The following LRRTM3 variants were observed in gnomAD, a reference collection of about 807,000 sequenced individuals.
The protein encoded by LRRTM3 is leucine rich repeat transmembrane neuronal 3.
In LRRTM3, 24 loss-of-function variants were observed where a neutral mutation model predicts 44.7. The ratio of observed to expected loss-of-function variants is 0.54; its 90% CI spans 0.39 to 0.76. The LOEUF is 0.76. LRRTM3 is among the 30% of genes least tolerant of loss of function. The probability of loss-of-function intolerance (pLI) is 0.00; values close to 1 mark genes in which losing one functional copy is unlikely to be tolerated. For synonymous variants in LRRTM3, 277 were observed against 278.7 expected, an observed-to-expected ratio of 0.99 and a Z score of 0.06; for missense variants, 587 against 702.2, an observed-to-expected ratio of 0.84 and a Z score of 1.85.
intron 2 of LRRTM3, among the ~76,000 whole-genome samples, chr10:66,960,550 T>C (rs1849053325): frequency 6.6e-6 from 1 of 152,148 alleles, no homozygotes; most frequent in Non-Finnish European, 1.5e-5. Context: ...AAAATACAAG[T>C]TAATTATTCA....
At chr10:67,047,229 G>A (rs1854810297) in intron 2 of LRRTM3, among the ~76,000 whole-genome samples, 1 of 152,132 alleles carries the variant, frequency 6.6e-6, no homozygotes, top group Admixed American at 6.5e-5. Context: ...GGGAGTGGTG[G>A]AGTCTCTAGA....
chr10:67,075,049 A>G (rs1856676300), intron 2 of LRRTM3, among the ~76,000 whole-genome samples: 2 of 152,074 alleles, frequency 1.3e-5, no homozygotes, highest in African/African-American at 4.8e-5. Context: ...TCAGCTTCTA[A>G]CAGTAAGTTT....
At chr10:66,951,113 ACACACT>A (rs953220719) in intron 2 of LRRTM3, among the ~76,000 whole-genome samples, 16 of 131,494 alleles carry the variant, frequency 1.2e-4, no homozygotes, top group South Asian at 7.4e-4. Context: ...ACACACACAC[ACACACT>A]GTCTTTTTTT....
intron 2 of LRRTM3, among the ~76,000 whole-genome samples, chr10:66,936,337 T>C (rs1257068776): frequency 1.3e-5 from 2 of 152,112 alleles, no homozygotes; most frequent in Non-Finnish European, 2.9e-5. Flanking sequence ...AAATCCCAAA[T>C]GATGGAGATC....
chr10:67,074,182 G>A (rs1204100247), intron 2 of LRRTM3, among the ~76,000 whole-genome samples: 8 of 150,632 alleles, frequency 5.3e-5, no homozygotes, highest in African/African-American at 9.8e-5. Context: ...ATAGGCACGT[G>A]CCACCATGAC....
chr10:67,034,040 G>A (rs188925471), intron 2 of LRRTM3, among the ~76,000 whole-genome samples: 3 of 152,180 alleles, frequency 2.0e-5, no homozygotes, highest in African/African-American at 7.2e-5. Context: ...CCAACGTGCT[G>A]AGACTACAGG....
intron 2 of LRRTM3, among the ~76,000 whole-genome samples, chr10:66,957,279 C>G (rs1011855293): frequency 1.1e-4 from 16 of 151,502 alleles, no homozygotes; most frequent in African/African-American, 3.2e-4. Flanking sequence ...CCTAAATTTA[C>G]TATTTGCTCA....
chr10:66,963,845 AT>A (rs56659477), intron 2 of LRRTM3, among the ~76,000 whole-genome samples: 94,365 of 143,940 alleles, frequency 0.66, 31,265 homozygotes, highest in East Asian at 0.84. Flanking sequence ...ATAGACATCA[AT>A]TTTTTTTTTT....
chr10:67,028,584 C>T lies in LRRTM3; in HGVS notation c.1537-69003C>T, dbSNP rs144958688. Among the ~76,000 whole-genome samples the T allele has an allele frequency of 9.4e-5, 14 of 148,526 alleles. No individual in the cohort carries two copies. The East Asian group carries it at 2.8e-3, about 30-fold the overall frequency. On this transcript the variant is annotated intron_variant, in intron 2 of 2. Coordinates refer to ENST00000361320, the MANE Select transcript of LRRTM3 (RefSeq NM_178011.5). ...ATGTAGTTATGTCAAACAGCATGTG[C>T]AATGAGAATTTTCCAGGCCAAGAAG...
intron 2 of LRRTM3, among the ~76,000 whole-genome samples, chr10:66,930,501 G>T (rs187667087): frequency 6.6e-6 from 1 of 152,202 alleles, no homozygotes; most frequent in Admixed American, 6.5e-5. Context: ...TACTAAAGAT[G>T]TTTGTATTAA....
At chr10:67,066,326 G>A (rs1359559616) in intron 2 of LRRTM3, among the ~76,000 whole-genome samples, 1 of 150,782 alleles carries the variant, frequency 6.6e-6, no homozygotes, top group Admixed American at 6.6e-5. Flanking sequence ...CCAAGTAACT[G>A]GGACTACAGG....
Position 66,928,289 on chromosome 10 carries a change from T to G in LRRTM3, c.1373T>G (p.Met458Arg), listed in dbSNP as rs1384750374. ...SMKQLQQRSL[M>R]RRHRKKKRQS... ...AAGCAGCTGCAGCAGCGCTCCCTCATGCGAAGGCACAGGAAAAAGAAAAGA... is the reference window on the plus strand; with the variant it reads ...AAGCAGCTGCAGCAGCGCTCCCTCAGGCGAAGGCACAGGAAAAAGAAAAGA... Residue 458 changes from methionine to arginine, a missense_variant, in exon 2 of 3, where the codon ATG becomes AGG. Transcript: ENST00000361320. 1.2e-6 allele frequency: 2 copies of G among 1,614,058 alleles called. No homozygotes were observed. The highest frequency in any genetic ancestry group is 1.7e-6 in the Non-Finnish European group (2 of 1,180,004).
chr10:67,036,046 A>G (rs1262378479), intron 2 of LRRTM3, among the ~76,000 whole-genome samples: 1 of 152,220 alleles, frequency 6.6e-6, no homozygotes, highest in Non-Finnish European at 1.5e-5. Flanking sequence ...CTGAATTTGC[A>G]TCTTCTAACC....
At chr10:66,970,504 G>GGGGGC (rs1165443997) in intron 2 of LRRTM3, among the ~76,000 whole-genome samples, 1 of 92,944 alleles carries the variant, frequency 1.1e-5, no homozygotes, top group Non-Finnish European at 2.4e-5. Flanking sequence ...TTCTTGGGTG[G>GGGGGC]GGGGGGGATA....
chr10:67,003,691 G>A (rs1349001429), intron 2 of LRRTM3, among the ~76,000 whole-genome samples: 1 of 152,156 alleles, frequency 6.6e-6, no homozygotes, highest in Non-Finnish European at 1.5e-5. Context: ...ATATTTGGGT[G>A]TCCCTGTCTT....
intron 2 of LRRTM3, among the ~76,000 whole-genome samples, chr10:67,076,945 G>A (rs898463069): frequency 2.6e-5 from 4 of 152,078 alleles, no homozygotes; most frequent in African/African-American, 4.8e-5. Flanking sequence ...AAATCTCCTC[G>A]TCTTTATCAC....
intron 2 of LRRTM3, among the ~76,000 whole-genome samples, chr10:66,956,158 G>A (rs1848781946): frequency 6.6e-6 from 1 of 151,622 alleles, no homozygotes; most frequent in Non-Finnish European, 1.5e-5. Flanking sequence ...CTACATGTGG[G>A]GGCTGCATCT....
chr10:67,001,760 C>T (rs1389528707), intron 2 of LRRTM3, among the ~76,000 whole-genome samples: 1 of 152,132 alleles, frequency 6.6e-6, no homozygotes, highest in Admixed American at 6.6e-5. Flanking sequence ...AAGGCACACT[C>T]ACACTATCTC....
At chr10:67,011,935 G>A (rs1162222709) in intron 2 of LRRTM3, among the ~76,000 whole-genome samples, 1 of 152,106 alleles carries the variant, frequency 6.6e-6, no homozygotes, top group Non-Finnish European at 1.5e-5. Flanking sequence ...CCACTATGGA[G>A]CCCCAGGAGT....
Sources: gnomAD v4.1 joint callset for allele counts (sites outside exome capture counted in the v4.1 genomes callset) on GRCh38, gnomAD v4.1.1 for gene constraint, MANE v1.5 for transcripts, NCBI Gene and HGNC (gene_info 2026-07-23, HGNC 2026-07-21) for gene names.